Variants in MSRA observed in about 807,000 individuals in gnomAD.
MSRA encodes the protein mitochondrial peptide methionine sulfoxide reductase.
In MSRA, 54 loss-of-function variants were observed where a neutral mutation model predicts 31.3. The ratio of observed to expected loss-of-function variants is 1.73; its 90% CI spans 1.39 to 2.17. MSRA has a LOEUF of 2.17. Ranked by LOEUF, MSRA falls within the 30% of genes most tolerant of loss-of-function variation. The probability of loss-of-function intolerance (pLI) is 0.00; values close to 1 mark genes in which losing one functional copy is unlikely to be tolerated. For synonymous variants in MSRA, 169 were observed against 116.5 expected (o/e 1.45, Z -2.90); for missense variants, 507 against 300.9 (o/e 1.69, Z -5.07).
chr8:10,277,958 A>G (rs2975653), intron 3 of MSRA, among the ~76,000 whole-genome samples: 114,176 of 152,102 alleles, frequency 0.75, 42,930 homozygotes, highest in Admixed American at 0.82. Context: ...AGGAATTGTA[A>G]GAGTAGTACC....
intron 1 of MSRA, among the ~76,000 whole-genome samples, chr8:10,162,726 A>G (rs1804770236): frequency 6.6e-6 from 1 of 152,184 alleles, no homozygotes; most frequent in Non-Finnish European, 1.5e-5. Flanking sequence ...TTACTATACC[A>G]TCTCATTTAG....
intron 3 of MSRA, among the ~76,000 whole-genome samples, chr8:10,298,914 C>A (rs913519403): frequency 1.3e-5 from 2 of 152,036 alleles, no homozygotes; most frequent in Non-Finnish European, 2.9e-5. Context: ...AGATGGATTT[C>A]CTGGATCACT....
At position 10,332,451 on chromosome 8, in the gene MSRA, T is replaced by TC. The variant is rs373121180; in HGVS notation, c.543+12468dup. On this transcript the variant is annotated intron_variant, in intron 5 of 5. Transcript: ENST00000317173. ...GACTTACCTTAGTCAAAAAGAAAAA[T>TC]CCCCCCTCCCCACCGTATGCCTAGC... 7.2e-4 allele frequency among the ~76,000 whole-genome samples: 105 copies of TC among 146,586 alleles called. 5 individuals are homozygous for TC. The South Asian group carries it at 0.017, about 23-fold the overall frequency.
intron 5 of MSRA, among the ~76,000 whole-genome samples, chr8:10,404,787 C>A (rs1321673663): frequency 1.3e-5 from 2 of 152,238 alleles, no homozygotes; most frequent in African/African-American, 4.8e-5. Context: ...CCCAGGCCAC[C>A]CACCTCACTG....
At position 10,284,691 on chromosome 8, in the gene MSRA, C is replaced by T. The variant is rs566459916; in HGVS notation, c.332-16843C>T. On this transcript the variant is annotated intron_variant, in intron 3 of 5. Coordinates refer to ENST00000317173, the MANE Select transcript of MSRA (RefSeq NM_012331.5). ...GGTAGGAGTGAAGATTCTGGAGCTA[C>T]ATTATGGAGGTCTGGGTTCTGACTC... 3.1e-4 allele frequency among the ~76,000 whole-genome samples: 47 copies of T among 152,224 alleles called. No homozygotes were observed. In the South Asian group the frequency reaches 9.5e-3, roughly 31 times the overall value.
At chr8:10,146,673 TA>T (rs1335015544) in intron 1 of MSRA, among the ~76,000 whole-genome samples, 2 of 152,110 alleles carry the variant, frequency 1.3e-5, no homozygotes, top group Non-Finnish European at 2.9e-5. Context: ...GGGTCAGTTG[TA>T]TGGTATGTGA....
intron 2 of MSRA, among the ~76,000 whole-genome samples, chr8:10,215,028 G>T (rs886316371): frequency 6.6e-6 from 1 of 152,192 alleles, no homozygotes; most frequent in African/African-American, 2.4e-5. Flanking sequence ...GAGTCACAGA[G>T]GAGGGTGGGT....
chr8:10,303,063 C>T (rs1042818723), intron 4 of MSRA, among the ~76,000 whole-genome samples: 2 of 152,218 alleles, frequency 1.3e-5, no homozygotes, highest in East Asian at 1.9e-4. Flanking sequence ...AGCAGACGTT[C>T]AGCCATTTGA....
chr8:10,199,238 CCAGA>C (rs1249193828), intron 1 of MSRA, among the ~76,000 whole-genome samples: 1 of 152,142 alleles, frequency 6.6e-6, no homozygotes, highest in Non-Finnish European at 1.5e-5. Flanking sequence ...TCTTCACTCC[CCAGA>C]CAGTCTGCAG....
At chr8:10,159,538 T>A (rs138144220) in intron 1 of MSRA, among the ~76,000 whole-genome samples, 117 of 152,330 alleles carry the variant, frequency 7.7e-4, no homozygotes, top group African/African-American at 2.7e-3. Flanking sequence ...GAAGTACAGT[T>A]TTTTACTCAA....
chr8:10,111,649 A>G (rs952320344), intron 1 of MSRA, among the ~76,000 whole-genome samples: 1 of 152,250 alleles, frequency 6.6e-6, no homozygotes, highest in African/African-American at 2.4e-5. Context: ...CTTTCAGAAA[A>G]TAGAAGGAAT....
intron 5 of MSRA, among the ~76,000 whole-genome samples, chr8:10,399,015 A>G (rs1807277975): frequency 6.6e-6 from 1 of 152,208 alleles, no homozygotes; most frequent in Non-Finnish European, 1.5e-5. Context: ...GGCTCAGCAA[A>G]TCTGCCAGCC....
intron 1 of MSRA, among the ~76,000 whole-genome samples, chr8:10,068,626 G>C (rs951471133): frequency 6.6e-6 from 1 of 152,058 alleles, no homozygotes; most frequent in Non-Finnish European, 1.5e-5. Flanking sequence ...TATTTATGTG[G>C]GTCTATTTCT....
chr8:10,342,750 G>A (rs1193942137), intron 5 of MSRA, among the ~76,000 whole-genome samples: 1 of 152,182 alleles, frequency 6.6e-6, no homozygotes, highest in East Asian at 1.9e-4. Flanking sequence ...CAGCGTGGGT[G>A]CCAAGCTCAG....
chr8:10,197,823 G>A (rs1808126119), intron 1 of MSRA, among the ~76,000 whole-genome samples: 1 of 152,202 alleles, frequency 6.6e-6, no homozygotes, highest in African/African-American at 2.4e-5. Context: ...TATTCTGGAA[G>A]TCCCCGAACA....
At chr8:10,113,329 A>G (rs1346372664) in intron 1 of MSRA, among the ~76,000 whole-genome samples, 3 of 49,862 alleles carry the variant, frequency 6.0e-5, no homozygotes, top group Non-Finnish European at 1.2e-4. Flanking sequence ...GTGTGTGTTT[A>G]AATGCTGAGC....
At chr8:10,262,839 A>G (rs1037214425) in intron 3 of MSRA, among the ~76,000 whole-genome samples, 1 of 152,050 alleles carries the variant, frequency 6.6e-6, no homozygotes, top group African/African-American at 2.4e-5. Context: ...GAATGTTGGC[A>G]CTCACACCTT....
intron 4 of MSRA, among the ~76,000 whole-genome samples, chr8:10,311,774 G>T (rs1417587494): frequency 6.6e-6 from 1 of 152,058 alleles, no homozygotes; most frequent in Non-Finnish European, 1.5e-5. Context: ...AAAACTAGCT[G>T]GGCATGGTGG....
intron 5 of MSRA, among the ~76,000 whole-genome samples, chr8:10,393,339 C>G (rs28507213): frequency 2.0e-5 from 3 of 151,986 alleles, no homozygotes; most frequent in African/African-American, 7.3e-5. Context: ...ATAACAGAGT[C>G]TTCAGACTCA....
Sources: allele counts gnomAD v4.1 joint callset (sites outside exome capture counted in the v4.1 genomes callset), GRCh38; gene constraint gnomAD v4.1.1; transcripts MANE v1.5; gene names NCBI Gene and HGNC (gene_info 2026-07-23, HGNC 2026-07-21).